STPG2: variants seen among roughly 807,000 people sequenced by gnomAD.
STPG2 encodes sperm tail PG-rich repeat containing 2.
STPG2 carries 56 observed loss-of-function variants against 54.2 expected under a neutral mutation model. The ratio of observed to expected loss-of-function variants is 1.03; its 90% CI spans 0.83 to 1.29. STPG2 has a LOEUF of 1.29. Among genes scored for constraint, STPG2 ranks in the 50% most tolerant of loss-of-function variants. The pLI, the probability that STPG2 is intolerant of heterozygous loss-of-function variation, is 0.00. For missense variants in STPG2, 596 were observed against 544.9 expected (o/e 1.09, Z -0.93); for synonymous variants, 200 against 181.8 (o/e 1.10, Z -0.81).
intron 5 of STPG2, among the ~76,000 whole-genome samples, chr4:98,008,096 A>G (rs1332475849): frequency 1.3e-5 from 2 of 152,174 alleles, no homozygotes. Flanking sequence ...GAAGAGGCCC[A>G]AAGAACACCA....
intron 5 of STPG2, among the ~76,000 whole-genome samples, chr4:98,012,136 C>CGT (rs1560634740): frequency 3.4e-5 from 4 of 118,404 alleles, no homozygotes; most frequent in African/African-American, 1.3e-4. Flanking sequence ...TTGTATAATG[C>CGT]ATAAGGGGTC....
intron 8 of STPG2, among the ~76,000 whole-genome samples, chr4:97,904,849 G>A (rs1231869796): frequency 6.6e-6 from 1 of 152,202 alleles, no homozygotes; most frequent in East Asian, 1.9e-4. Flanking sequence ...CTGGAAGAAA[G>A]GGTATCAGCG....
At chr4:98,065,441 A>G (rs1356998815) in intron 5 of STPG2, among the ~76,000 whole-genome samples, 2 of 152,190 alleles carry the variant, frequency 1.3e-5, no homozygotes, top group Admixed American at 6.6e-5. Context: ...TAACGACAAT[A>G]AAAAATAGAT....
In STPG2 at chr4:97,785,855, T is replaced by C. The variant is rs557443949; in HGVS notation, c.1204+54918A>G. On this transcript the variant is annotated intron_variant, in intron 9 of 10. Transcript: ENST00000295268. ...AAGACATGGCAAAAAAAAAACTATATGAGTTTAAGAGGGATGTGTGGAGTA... is the reference window on the plus strand; with the variant it reads ...AAGACATGGCAAAAAAAAAACTATACGAGTTTAAGAGGGATGTGTGGAGTA... 4.4e-3 allele frequency among the ~76,000 whole-genome samples: 662 copies of C among 151,424 alleles called. 3 individuals are homozygous for C. The highest frequency in any genetic ancestry group is 0.024 in the South Asian group (115 of 4,806).
intron 8 of STPG2, among the ~76,000 whole-genome samples, chr4:97,875,475 T>C (rs1730142392): frequency 6.6e-6 from 1 of 151,814 alleles, no homozygotes; most frequent in African/African-American, 2.4e-5. Context: ...ATAGGTAGAA[T>C]ATACATATAA....
intron 10 of STPG2, among the ~76,000 whole-genome samples, chr4:97,607,143 A>C (rs563172001): frequency 7.2e-4 from 109 of 152,186 alleles, no homozygotes; most frequent in African/African-American, 2.4e-3. Flanking sequence ...ACATTATTTT[A>C]AAATTTTGTA....
At chr4:97,932,437 G>A (rs1200314645) in intron 8 of STPG2, among the ~76,000 whole-genome samples, 3 of 152,086 alleles carry the variant, frequency 2.0e-5, no homozygotes, top group Non-Finnish European at 2.9e-5. Flanking sequence ...AGTGTGCCAT[G>A]TTGGCTTGCT....
intron 4 of STPG2, among the ~76,000 whole-genome samples, chr4:97,535,117 A>G (rs1731499215): frequency 6.6e-6 from 1 of 152,352 alleles, no homozygotes; most frequent in Non-Finnish European, 1.5e-5. Context: ...TCTTATGAAC[A>G]TAGCTTTTCA....
At chr4:97,846,436 C>T (rs886441031) in intron 8 of STPG2, among the ~76,000 whole-genome samples, 4 of 151,790 alleles carry the variant, frequency 2.6e-5, no homozygotes, top group African/African-American at 7.3e-5. Flanking sequence ...ACCAGCCTGA[C>T]CAACATGGTG....
At chr4:97,789,511 T>C (rs1170641137) in intron 9 of STPG2, among the ~76,000 whole-genome samples, 3 of 152,112 alleles carry the variant, frequency 2.0e-5, no homozygotes, top group Non-Finnish European at 4.4e-5. Context: ...TTACAATTGT[T>C]ATAGTCTTTT....
At chr4:97,528,153 T>G (rs1247201387) in intron 4 of STPG2, among the ~76,000 whole-genome samples, 1 of 152,122 alleles carries the variant, frequency 6.6e-6, no homozygotes, top group Non-Finnish European at 1.5e-5. Flanking sequence ...CAATCTTTAA[T>G]CCCATCTTGA....
chr4:97,579,879 A>G (rs1207506084), intron 10 of STPG2, among the ~76,000 whole-genome samples: 9 of 152,052 alleles, frequency 5.9e-5, no homozygotes, highest in Admixed American at 3.9e-4. Context: ...CACTAATCCC[A>G]TAAGTTGTAG....
chr4:97,638,148 A>G (rs1721624865), intron 10 of STPG2, among the ~76,000 whole-genome samples: 1 of 152,110 alleles, frequency 6.6e-6, no homozygotes, highest in Admixed American at 6.6e-5. Flanking sequence ...AAACAGAGAT[A>G]TAGATCAATG....
intron 9 of STPG2, among the ~76,000 whole-genome samples, chr4:97,789,923 G>T (rs113645397): frequency 0.02 from 3,072 of 151,948 alleles, 98 homozygotes; most frequent in African/African-American, 0.071. Flanking sequence ...TCCTTTTGCC[G>T]CTAAAAATGT....
At chr4:97,622,912 A>C (rs958200194) in intron 10 of STPG2, among the ~76,000 whole-genome samples, 3 of 152,190 alleles carry the variant, frequency 2.0e-5, no homozygotes, top group Non-Finnish European at 2.9e-5. Flanking sequence ...TACTGGTACA[A>C]AACCAGACAC....
intron 10 of STPG2, among the ~76,000 whole-genome samples, chr4:97,571,910 A>G (rs1732611166): frequency 6.6e-6 from 1 of 152,140 alleles, no homozygotes; most frequent in South Asian, 2.1e-4. Flanking sequence ...TGACATTGTC[A>G]CCAAGCTTAT....
intron 9 of STPG2, among the ~76,000 whole-genome samples, chr4:97,724,833 A>G (rs891476445): frequency 1.3e-5 from 2 of 152,158 alleles, no homozygotes; most frequent in African/African-American, 2.4e-5. Context: ...AAGTTAAGAA[A>G]GTTACTTGTA....
chr4:97,564,826 T>C (rs560297080), intron 10 of STPG2, among the ~76,000 whole-genome samples: 3 of 152,354 alleles, frequency 2.0e-5, no homozygotes, highest in Non-Finnish European at 2.9e-5. Context: ...TGGGCTTCCC[T>C]TTGTGAGTAA....
At chr4:97,551,038 G>T (rs1337474021) in intron 4 of STPG2, among the ~76,000 whole-genome samples, 1 of 151,250 alleles carries the variant, frequency 6.6e-6, no homozygotes, top group African/African-American at 2.5e-5. Context: ...GCCGCTGTGG[G>T]CTCAGGTGGC....
Sources: allele counts gnomAD v4.1 joint callset (sites outside exome capture counted in the v4.1 genomes callset), GRCh38; gene constraint gnomAD v4.1.1; transcripts MANE v1.5; gene names NCBI Gene and HGNC (gene_info 2026-07-23, HGNC 2026-07-21).